The following GALNTL6 variants were observed in gnomAD, a reference collection of about 807,000 sequenced individuals.
The protein encoded by GALNTL6 is polypeptide N-acetylgalactosaminyltransferase like 6.
A neutral mutation model predicts 73.7 loss-of-function variants in GALNTL6; 46 were observed. The ratio of observed to expected loss-of-function variants is 0.62; its 90% CI spans 0.49 to 0.80. GALNTL6 has a LOEUF of 0.80. Ranked by LOEUF, GALNTL6 falls within the 30% of genes least tolerant of loss-of-function variation. The probability of loss-of-function intolerance (pLI) is 0.00; values close to 1 mark genes in which losing one functional copy is unlikely to be tolerated. For missense variants in GALNTL6, 604 were observed against 755.0 expected (o/e 0.80, Z 2.34); for synonymous variants, 259 against 263.7 (o/e 0.98, Z 0.17).
At chr4:172,853,807 A>AC (rs1743969739) in intron 7 of GALNTL6, among the ~76,000 whole-genome samples, 2 of 152,192 alleles carry the variant, frequency 1.3e-5, no homozygotes, top group South Asian at 4.1e-4. Context: ...CTTTATGGAA[A>AC]CCTGCTTTCC....
At chr4:172,458,715 G>A (rs886093816) in intron 5 of GALNTL6, among the ~76,000 whole-genome samples, 1 of 152,218 alleles carries the variant, frequency 6.6e-6, no homozygotes, top group Non-Finnish European at 1.5e-5. Flanking sequence ...AATTGAGGCA[G>A]TAATTAATAG....
At chr4:172,249,177 C>G (rs1010110162) in intron 3 of GALNTL6, among the ~76,000 whole-genome samples, 1 of 152,102 alleles carries the variant, frequency 6.6e-6, no homozygotes, top group Admixed American at 6.5e-5. Context: ...ACAATGAAGT[C>G]CAGGCTGAGA....
chr4:172,913,691 A>T (rs1747342534), intron 8 of GALNTL6, among the ~76,000 whole-genome samples: 1 of 152,174 alleles, frequency 6.6e-6, no homozygotes, highest in South Asian at 2.1e-4. Context: ...AAGTTGAAAG[A>T]AAAAAGAGTG....
At chr4:172,347,192 G>C (rs906738335) in intron 4 of GALNTL6, among the ~76,000 whole-genome samples, 6 of 151,864 alleles carry the variant, frequency 4.0e-5, no homozygotes, top group Admixed American at 6.6e-5. Flanking sequence ...GTTTTGCTAT[G>C]TTGCCCAGGC....
At chr4:172,098,124 G>A (rs184683450) in intron 2 of GALNTL6, among the ~76,000 whole-genome samples, 9 of 152,110 alleles carry the variant, frequency 5.9e-5, no homozygotes, top group Admixed American at 1.3e-4. Flanking sequence ...CATTTCCTAT[G>A]TATTAAAAAT....
chr4:172,715,111 G>A (rs1734986501), intron 5 of GALNTL6, among the ~76,000 whole-genome samples: 1 of 152,224 alleles, frequency 6.6e-6, no homozygotes, highest in Middle Eastern at 3.4e-3. Context: ...AAAAAATGGT[G>A]TATCTACTAC....
At chr4:172,573,667 A>G (rs148497005) in intron 5 of GALNTL6, among the ~76,000 whole-genome samples, 1 of 152,296 alleles carries the variant, frequency 6.6e-6, no homozygotes, top group African/African-American at 2.4e-5. Flanking sequence ...TCAGATAAAG[A>G]GGTGCATGAA....
intron 11 of GALNTL6, among the ~76,000 whole-genome samples, chr4:173,013,274 A>G (rs1443920078): frequency 6.6e-6 from 1 of 152,118 alleles, no homozygotes; most frequent in East Asian, 1.9e-4. Context: ...GAACTTTTTT[A>G]AAAAGAAAAA....
At chr4:172,031,273 T>C (rs1158660200) in intron 2 of GALNTL6, among the ~76,000 whole-genome samples, 1 of 152,046 alleles carries the variant, frequency 6.6e-6, no homozygotes, top group African/African-American at 2.4e-5. Flanking sequence ...ATTAAGTATG[T>C]TTACTCCAAC....
intron 5 of GALNTL6, among the ~76,000 whole-genome samples, chr4:172,424,887 G>C (rs1000816339): frequency 4.9e-5 from 6 of 123,448 alleles, no homozygotes; most frequent in Non-Finnish European, 8.5e-5. Flanking sequence ...TCAATGACTA[G>C]AAATTTTAGT....
intron 5 of GALNTL6, among the ~76,000 whole-genome samples, chr4:172,440,100 T>C (rs374656658): frequency 2.6e-5 from 4 of 152,070 alleles, no homozygotes; most frequent in South Asian, 2.1e-4. Flanking sequence ...GTGGTCTCTT[T>C]AAAAACTACA....
At chr4:172,950,277 G>A (rs1044146952) in intron 9 of GALNTL6, among the ~76,000 whole-genome samples, 1 of 152,216 alleles carries the variant, frequency 6.6e-6, no homozygotes, top group Admixed American at 6.5e-5. Flanking sequence ...CAATGCTGAC[G>A]GGATGGTAGG....
intron 2 of GALNTL6, among the ~76,000 whole-genome samples, chr4:172,052,229 T>C (rs1309746157): frequency 1.3e-5 from 2 of 151,846 alleles, no homozygotes; most frequent in Non-Finnish European, 2.9e-5. Context: ...GTCATGGAAA[T>C]GGAACATTCA....
At chr4:172,131,168 A>G (rs1284808607) in intron 2 of GALNTL6, among the ~76,000 whole-genome samples, 2 of 151,852 alleles carry the variant, frequency 1.3e-5, no homozygotes, top group African/African-American at 4.8e-5. Context: ...CTGGGGCATC[A>G]TTTAAAACAA....
At chr4:172,621,431 G>A (rs1738948963) in intron 5 of GALNTL6, among the ~76,000 whole-genome samples, 1 of 152,134 alleles carries the variant, frequency 6.6e-6, no homozygotes, top group African/African-American at 2.4e-5. Flanking sequence ...GTTAGTTCTT[G>A]TCTTTCACAA....
At chr4:172,746,142 T>C (rs571723221) in intron 5 of GALNTL6, among the ~76,000 whole-genome samples, 5 of 152,248 alleles carry the variant, frequency 3.3e-5, no homozygotes, top group African/African-American at 1.2e-4. Context: ...GTAAAATTAT[T>C]ATAGGCAATT....
chr4:171,946,794 A>ACTTG (rs1380381838), intron 2 of GALNTL6, among the ~76,000 whole-genome samples: 1 of 152,082 alleles, frequency 6.6e-6, no homozygotes, highest in Admixed American at 6.6e-5. Context: ...TCCTGGAGGA[A>ACTTG]AAGGATTTGG....
intron 2 of GALNTL6, among the ~76,000 whole-genome samples, chr4:172,209,451 A>G (rs1292299862): frequency 6.6e-6 from 1 of 152,006 alleles, no homozygotes; most frequent in African/African-American, 2.4e-5. Context: ...GTCAAAAAAA[A>G]AAAAAAATGA....
chr4:172,787,803 C>T (rs1487649729), intron 5 of GALNTL6, among the ~76,000 whole-genome samples: 4 of 152,056 alleles, frequency 2.6e-5, no homozygotes, highest in South Asian at 4.1e-4. Flanking sequence ...GTGGCATGTT[C>T]GGTGAGACAC....
Sources: allele counts gnomAD v4.1 joint callset (sites outside exome capture counted in the v4.1 genomes callset), GRCh38; gene constraint gnomAD v4.1.1; transcripts MANE v1.5; gene names NCBI Gene and HGNC (gene_info 2026-07-23, HGNC 2026-07-21).